PTPRO: variants seen among roughly 807,000 people sequenced by gnomAD.
PTPRO encodes receptor-type tyrosine-protein phosphatase O.
A neutral mutation model predicts 145.2 loss-of-function variants in PTPRO; 62 were observed. The ratio of observed to expected loss-of-function variants is 0.43; its 90% confidence interval spans 0.35 to 0.53. The LOEUF is 0.53. Among genes scored for constraint, PTPRO ranks in the 20% least tolerant of loss-of-function variants. The pLI, the probability that PTPRO is intolerant of heterozygous loss-of-function variation, is 0.01. For missense variants in PTPRO, 1,345 were observed against 1,482.7 expected, an observed-to-expected ratio of 0.91 and a Z score of 1.53; for synonymous variants, 565 against 514.7, an observed-to-expected ratio of 1.10 and a Z score of -1.32.
chr12:15,446,051 A>G (rs1044908195), intron 1 of PTPRO, among the ~76,000 whole-genome samples: 1 of 152,168 alleles, frequency 6.6e-6, no homozygotes, highest in African/African-American at 2.4e-5. Context: ...TGAACCACTC[A>G]TTACTCTAAT....
chr12:15,384,135 C>A (rs1938949667), intron 1 of PTPRO, among the ~76,000 whole-genome samples: 1 of 152,114 alleles, frequency 6.6e-6, no homozygotes, highest in Non-Finnish European at 1.5e-5. Context: ...CCAGTCATGG[C>A]CTGAACTAGA....
At chr12:15,493,172 A>C (rs1942033642) in intron 2 of PTPRO, among the ~76,000 whole-genome samples, 3 of 152,158 alleles carry the variant, frequency 2.0e-5, no homozygotes, top group Admixed American at 2.0e-4. Flanking sequence ...ATAACTGGTG[A>C]AAGAAAACAA....
At chr12:15,574,977 T>C (rs1423596427) in intron 19 of PTPRO, among the ~76,000 whole-genome samples, 1 of 152,154 alleles carries the variant, frequency 6.6e-6, no homozygotes, top group Non-Finnish European at 1.5e-5. Flanking sequence ...CCAAAATTCC[T>C]ATGTTTAATC....
chr12:15,524,858 C>G lies in PTPRO; in HGVS notation c.1936C>G (p.Leu646Val), dbSNP rs1470701824. ...EITSVEYFNSLLYISWTYGDD... is the reference protein window; with the variant it reads ...EITSVEYFNSVLYISWTYGDD... ...CACTTCTGTGGAATATTTCAACAGT[C>G]TGTTATATATCAGTTGGACATATGG... The change falls in exon 11 of 27, where the codon CTG becomes GTG. Residue 646 changes from leucine (L) to valine (V), a missense_variant. Transcript: ENST00000281171. 4 of 1,613,558 alleles carry G rather than the reference C, an allele frequency of 2.5e-6. No individual in the cohort carries two copies. Among genetic ancestry groups the G allele is most frequent in the Non-Finnish European group, 3.4e-6 (4 of 1,179,498 alleles).
intron 12 of PTPRO, among the ~76,000 whole-genome samples, chr12:15,536,932 G>A (rs769408447): frequency 2.6e-5 from 4 of 152,170 alleles, no homozygotes; most frequent in African/African-American, 4.8e-5. Flanking sequence ...CCACAGAGGC[G>A]ATGAAAAGTG....
At chr12:15,340,149 T>G (rs910883552) in intron 1 of PTPRO, among the ~76,000 whole-genome samples, 2 of 152,134 alleles carry the variant, frequency 1.3e-5, no homozygotes, top group Non-Finnish European at 2.9e-5. Context: ...CCTTATACAC[T>G]CCTATATATT....
intron 1 of PTPRO, among the ~76,000 whole-genome samples, chr12:15,340,791 G>A (rs144452048): frequency 0.018 from 2,669 of 152,216 alleles, 44 homozygotes; most frequent in Non-Finnish European, 0.028. Flanking sequence ...CTGGCTTTAT[G>A]AGACTTTTAC....
At chr12:15,349,793 A>G (rs1937733714) in intron 1 of PTPRO, among the ~76,000 whole-genome samples, 1 of 152,224 alleles carries the variant, frequency 6.6e-6, no homozygotes, top group Non-Finnish European at 1.5e-5. Flanking sequence ...AGACAGAAAG[A>G]GAGAGATTTA....
In PTPRO at chr12:15,322,787, T is replaced by C. The variant is rs200496219; in HGVS notation, c.61T>C (p.Phe21Leu). 1 of 1,612,758 alleles carries C rather than the reference T, an allele frequency of 6.2e-7. No individual in the cohort carries two copies. Among genetic ancestry groups the C allele is most frequent in the Non-Finnish European group, 8.5e-7 (1 of 1,179,530 alleles). ...CCGCCTCCTGCCTCTGCTCTGGCTC[T>C]TTGTGCTGTTCAAGGTAGGGGAGCT... ...ARRLLPLLWL[F>L]VLFKNATAFH... Residue 21 changes from phenylalanine (F) to leucine (L), a missense_variant, in exon 1 of 27, where the codon TTT becomes CTT. Phe to Leu is a conservative substitution (Grantham distance 22). Transcript: ENST00000281171. This position sits in a 1 kb window ranked among gnomAD's most constrained non-coding sequence, Gnocchi z 6.3.
intron 15 of PTPRO, among the ~76,000 whole-genome samples, chr12:15,554,068 C>G (rs1591725307): frequency 6.6e-6 from 1 of 152,164 alleles, no homozygotes; most frequent in East Asian, 1.9e-4. Flanking sequence ...GTGGCACATG[C>G]CTGTAATCCC....
chr12:15,472,055 C>T (rs1941554270), intron 1 of PTPRO, among the ~76,000 whole-genome samples: 1 of 152,186 alleles, frequency 6.6e-6, no homozygotes, highest in Non-Finnish European at 1.5e-5. Flanking sequence ...AAGCACCAAA[C>T]ATCATTAATA....
chr12:15,439,916 G>T, intron 1 of PTPRO: 1 of 668,408 alleles, frequency 1.5e-6, no homozygotes, highest in Non-Finnish European at 2.7e-6. Flanking sequence ...TGCCATTGGG[G>T]ACTACAATGG....
intron 19 of PTPRO, among the ~76,000 whole-genome samples, chr12:15,571,731 CTG>C (rs1210978413): frequency 2.6e-5 from 4 of 152,024 alleles, no homozygotes; most frequent in African/African-American, 9.6e-5. Context: ...ATGGACGAGC[CTG>C]TGTCATGGTG....
intron 1 of PTPRO, among the ~76,000 whole-genome samples, chr12:15,483,512 A>T (rs1941823915): frequency 6.6e-6 from 1 of 152,110 alleles, no homozygotes; most frequent in Admixed American, 6.6e-5. Context: ...AGATGAGAGG[A>T]AATAGACGAA....
chr12:15,516,500 G>T (rs1010013890), intron 8 of PTPRO, among the ~76,000 whole-genome samples: 1 of 118,384 alleles, frequency 8.4e-6, no homozygotes, highest in Non-Finnish European at 1.8e-5. Flanking sequence ...AGGAAAGAAA[G>T]AAAAGAAAGA....
At chr12:15,539,367 A>T (rs528918862) in intron 12 of PTPRO, among the ~76,000 whole-genome samples, 5 of 152,010 alleles carry the variant, frequency 3.3e-5, no homozygotes, top group African/African-American at 1.2e-4. Flanking sequence ...TCTCTGAAAA[A>T]CTCTATTGAT....
chr12:15,398,436 A>G (rs1939402286), intron 1 of PTPRO, among the ~76,000 whole-genome samples: 1 of 151,136 alleles, frequency 6.6e-6, no homozygotes, highest in African/African-American at 2.4e-5. Flanking sequence ...ACGTGTTCCA[A>G]TTCCAGGGCT....
At chr12:15,516,741 C>A in intron 8 of PTPRO, 22 bp from the exon 9 acceptor site, 1 of 1,572,358 alleles carries the variant, frequency 6.4e-7, no homozygotes, top group Non-Finnish European at 8.8e-7. Context: ...TCTTTTTCTA[C>A]CCCCTGCCCT....
chr12:15,447,820 A>C (rs1461368577), intron 1 of PTPRO, among the ~76,000 whole-genome samples: 1 of 152,186 alleles, frequency 6.6e-6, no homozygotes, highest in Non-Finnish European at 1.5e-5. Flanking sequence ...TAATGGTTTC[A>C]TTCTCTGCAG....
Sources: allele counts gnomAD v4.1 joint callset (sites outside exome capture counted in the v4.1 genomes callset), GRCh38; gene constraint gnomAD v4.1.1; non-coding constraint Gnocchi (gnomAD v3.1); transcripts MANE v1.5; gene names NCBI Gene and HGNC (gene_info 2026-07-23, HGNC 2026-07-21).